The following UPF2 variants were observed in gnomAD, a reference collection of about 807,000 sequenced individuals.
The protein encoded by UPF2 is regulator of nonsense transcripts 2.
Under a neutral mutation model 141.4 loss-of-function variants are expected in UPF2, and 17 were observed. That is an observed-to-expected ratio of 0.12 (90% confidence interval 0.08 to 0.18). The LOEUF (loss-of-function observed/expected upper bound fraction) is 0.18, where lower values mean the gene tolerates loss of function less well. Ranked by LOEUF, UPF2 falls within the 10% of genes least tolerant of loss-of-function variation. The probability of loss-of-function intolerance (pLI) is 1.00; values close to 1 mark genes in which losing one functional copy is unlikely to be tolerated. For missense variants in UPF2, 1,152 were observed against 1,515.9 expected, an observed-to-expected ratio of 0.76 and a Z score of 3.99; for synonymous variants, 540 against 498.0, an observed-to-expected ratio of 1.08 and a Z score of -1.12.
rs891979734 is a variant in UPF2 at position 12,016,232 on chromosome 10, C to T, written c.1146-2048G>A. ...TTTAAAAAAAATTTTTTTTAATTTA[C>T]TTTTATTTTTTGTAGAGACGGGAGT... On this transcript the variant is annotated intron_variant, in intron 3 of 21. Coordinates refer to ENST00000357604, the MANE Select transcript of UPF2 (RefSeq NM_015542.4). The surrounding 1 kb of genome is among the most constrained non-coding windows in gnomAD (Gnocchi z 4.1). 6.6e-6 allele frequency among the ~76,000 whole-genome samples: 1 copy of T among 152,016 alleles called. No homozygotes were observed. The highest frequency in any genetic ancestry group is 2.4e-5 in the African/African-American group (1 of 41,402).
rs551119856 is a variant in UPF2, at chr10:11,963,874, G to C, written c.2184+135C>G. ...CAGGGATTGCAACTCATATGTATGG[G>C]ATGTTCCACTTTAAGTAGAAATGTT... On this transcript the variant is annotated intron_variant, in intron 11 of 21. Coordinates refer to ENST00000357604, the MANE Select transcript of UPF2 (RefSeq NM_015542.4). 1.1e-5 allele frequency: 7 copies of C among 627,622 alleles called. No homozygotes were observed. The South Asian group carries it at 1.7e-4, about 15-fold the overall frequency. The allele number at this position is 627,622 out of a possible 1,614,324, so 38.9% of individuals were successfully genotyped here.
In UPF2 at chr10:11,921,567, G is replaced by C. The variant is rs1480012892; in HGVS notation, c.3810-260C>G. ...ATCTACACTTTATTAGGTATTACAA[G>C]TAATGTAGAGATGATGTAAAGTACA... On this transcript the variant is annotated intron_variant, in intron 21 of 21. Transcript: ENST00000357604. The surrounding 1 kb of genome is among the most constrained non-coding windows in gnomAD (Gnocchi z 5.9). Among the ~76,000 whole-genome samples the C allele has an allele frequency of 6.6e-6, 1 of 152,214 alleles. No individual in the cohort carries two copies. The highest frequency in any genetic ancestry group is 2.1e-4 in the South Asian group (1 of 4,832).
chr10:11,988,033 A>G (rs1057085415), intron 8 of UPF2, among the ~76,000 whole-genome samples: 9 of 152,218 alleles, frequency 5.9e-5, no homozygotes, highest in Non-Finnish European at 8.8e-5. Flanking sequence ...GTGTGCCTAG[A>G]ATATATAAAT....
In UPF2 at chr10:11,931,544, TA is replaced by T; in HGVS notation, c.3688+96del. On this transcript the variant is annotated intron_variant, in intron 20 of 21. Coordinates refer to ENST00000357604, the MANE Select transcript of UPF2 (RefSeq NM_015542.4). The surrounding 1 kb of genome is among the most constrained non-coding windows in gnomAD (Gnocchi z 5.9). ...TACAAAATGAATTTCTCAGCATAAATATGGAAAAATATGACATGAGAAGATG... is the reference window on the plus strand; with the variant it reads ...TACAAAATGAATTTCTCAGCATAAATTGGAAAAATATGACATGAGAAGATG... The T allele has an allele frequency of 1.5e-6, 2 of 1,298,966 alleles. No homozygotes were observed. Among genetic ancestry groups the T allele is most frequent in the Non-Finnish European group, 2.1e-6 (2 of 972,458 alleles). The allele number at this position is 1,298,966 out of a possible 1,614,324, so 80.5% of individuals were successfully genotyped here. A position where few individuals can be genotyped will look rare whatever the true frequency, so the allele number is the denominator to read the frequency against.
chr10:11,981,909 C>T (rs112660511), intron 8 of UPF2, among the ~76,000 whole-genome samples: 14 of 152,298 alleles, frequency 9.2e-5, no homozygotes, highest in African/African-American at 3.4e-4. Context: ...TGGTCTTGAA[C>T]TCCTGACCTT....
intron 1 of UPF2, among the ~76,000 whole-genome samples, chr10:12,037,908 A>G (rs1834660910): frequency 6.6e-6 from 1 of 152,190 alleles, no homozygotes; most frequent in African/African-American, 2.4e-5. Flanking sequence ...TTGCAGGTAC[A>G]TGCCACAGCC....
intron 3 of UPF2, 87 bp downstream of exon 3, chr10:12,028,658 G>T: frequency 7.2e-7 from 1 of 1,389,254 alleles, no homozygotes; most frequent in Non-Finnish European, 9.6e-7. Flanking sequence ...TTTTCCATAA[G>T]TTCTTTCAGT....
rs375625733 is a variant in UPF2, at chr10:12,033,652, G to A, written c.365+1407C>T. On this transcript the variant is annotated intron_variant, in intron 2 of 21. Coordinates refer to ENST00000357604, the MANE Select transcript of UPF2 (RefSeq NM_015542.4). ...AAATGAGGCTTAAAAAGGGTAAGTTGCCCTCTTAAATTAAAAAAAAACTTT... is the reference window on the plus strand; with the variant it reads ...AAATGAGGCTTAAAAAGGGTAAGTTACCCTCTTAAATTAAAAAAAAACTTT... 1.7e-4 allele frequency among the ~76,000 whole-genome samples: 26 copies of A among 152,134 alleles called. No individual in the cohort carries two copies. In the East Asian group the frequency reaches 2.3e-3, roughly 14 times the overall value.
intron 8 of UPF2, among the ~76,000 whole-genome samples, chr10:11,990,457 G>A (rs1025058430): frequency 6.6e-6 from 1 of 152,140 alleles, no homozygotes; most frequent in Non-Finnish European, 1.5e-5. Context: ...AGGCCGGGTG[G>A]ATCACGAGGT....
At chr10:12,009,412 A>G (rs1834091263) in intron 4 of UPF2, among the ~76,000 whole-genome samples, 2 of 152,220 alleles carry the variant, frequency 1.3e-5, no homozygotes, top group Admixed American at 1.3e-4. Context: ...AATCTAAGAC[A>G]TGATTAACTG....
chr10:12,038,073 T>C (rs1423249809), intron 1 of UPF2, among the ~76,000 whole-genome samples: 1 of 152,162 alleles, frequency 6.6e-6, no homozygotes, highest in African/African-American at 2.4e-5. Context: ...AAAAAGCTAT[T>C]GGGCCTATTT....
At chr10:11,957,351 C>T (rs1341638444) in intron 12 of UPF2, among the ~76,000 whole-genome samples, 1 of 151,846 alleles carries the variant, frequency 6.6e-6, no homozygotes, top group African/African-American at 2.4e-5. Context: ...ATCACTTGAA[C>T]CCGGGAGGCA....
At chr10:11,926,244 A>T (rs1832711482) in intron 21 of UPF2, among the ~76,000 whole-genome samples, 1 of 152,200 alleles carries the variant, frequency 6.6e-6, no homozygotes, top group East Asian at 1.9e-4. Flanking sequence ...AAGAGGGCAG[A>T]CAACGCTTCC....
At position 12,000,921 on chromosome 10, in the gene UPF2, C is replaced by T. The variant is rs528104715; in HGVS notation, c.1654+755G>A. On this transcript the variant is annotated intron_variant, in intron 6 of 21. Transcript: ENST00000357604. ...TACAAACACAACTCAATTATAAAGA[C>T]AGACAAAATTAACAGATGAACTGAT... Among the ~76,000 whole-genome samples the T allele has an allele frequency of 7.2e-5, 11 of 152,238 alleles. 1 individual carries two copies. In the South Asian group the frequency reaches 2.1e-3, roughly 29 times the overall value.
At chr10:12,002,033 G>A (rs1032560492) in intron 5 of UPF2, among the ~76,000 whole-genome samples, 6 of 152,174 alleles carry the variant, frequency 3.9e-5, no homozygotes, top group Non-Finnish European at 8.8e-5. Context: ...CACTTTGGGA[G>A]GCCGAGGAGG....
At chr10:12,001,612 C>T in intron 6 of UPF2, 64 bp downstream of exon 6, 1 of 1,438,412 alleles carries the variant, frequency 7.0e-7, no homozygotes, top group Non-Finnish European at 9.3e-7. Context: ...GATCTATATT[C>T]TTAGGCAAGA....
In UPF2 at chr10:11,935,935, A is replaced by AT. The variant is rs1243359335; in HGVS notation, c.3546+609dup. On this transcript the variant is annotated intron_variant, in intron 19 of 21. Coordinates refer to ENST00000357604, the MANE Select transcript of UPF2 (RefSeq NM_015542.4). This position sits in a 1 kb window ranked among gnomAD's most constrained non-coding sequence, Gnocchi z 4.9. ...AGGGATATGGAGAAGGGTTGGTGTG[A>AT]TTTTCAACTGACGGCAGCCGAGCCT... 9.9e-5 allele frequency among the ~76,000 whole-genome samples: 15 copies of AT among 152,026 alleles called. No individual in the cohort carries two copies. Among genetic ancestry groups the AT allele is most frequent in the Admixed American group, 9.8e-4 (15 of 15,274 alleles).
rs756385185 is a variant in UPF2, at chr10:11,955,473, C to T, written c.2609G>A (p.Ser870Asn). Residue 870 changes from serine to asparagine, a missense_variant, in exon 14 of 22, where the codon AGC (serine) becomes AAC (asparagine). Ser to Asn is a conservative substitution (Grantham distance 46). Around this residue, in one of 4 missense-constraint regions of UPF2, gnomAD observed 739 missense variants for 1,032.2 expected, o/e 0.72. Transcript: ENST00000357604. ...AAGTTCTCCTAAGAACTTGGCACTGCTGATGCGCCTCTGATTAAATTTAGG... is the reference window on the plus strand; with the variant it reads ...AAGTTCTCCTAAGAACTTGGCACTGTTGATGCGCCTCTGATTAAATTTAGG... The part of the protein sequence containing the change: ...NQPKFNQRRI[S>N]SAKFLGELYN... The T allele has an allele frequency of 6.2e-7, 1 of 1,613,148 alleles. No individual in the cohort carries two copies. The highest frequency in any genetic ancestry group is 1.7e-5 in the Admixed American group (1 of 59,766).
chr10:11,970,059 A>G (rs1440743793), intron 9 of UPF2, among the ~76,000 whole-genome samples: 2 of 152,322 alleles, frequency 1.3e-5, no homozygotes, highest in East Asian at 1.9e-4. Flanking sequence ...AAAGTTCTAG[A>G]GTTAGAATGT....
Sources: allele counts gnomAD v4.1 joint callset (sites outside exome capture counted in the v4.1 genomes callset), GRCh38; gene constraint gnomAD v4.1.1; regional missense constraint gnomAD v4.1.1; non-coding constraint Gnocchi (gnomAD v3.1); transcripts MANE v1.5; gene names NCBI Gene and HGNC (gene_info 2026-07-23, HGNC 2026-07-21).